The following LRP1B variants were observed in gnomAD, a reference collection of about 807,000 sequenced individuals.
LRP1B encodes the protein LDL receptor related protein 1B.
LRP1B carries 217 observed loss-of-function variants against 556.6 expected under a neutral mutation model. The ratio of observed to expected loss-of-function variants is 0.39; its 90% CI spans 0.35 to 0.44. The LOEUF (loss-of-function observed/expected upper bound fraction) is 0.44. Among genes scored for constraint, LRP1B ranks in the 20% least tolerant of loss-of-function variants. The pLI, the probability that LRP1B is intolerant of heterozygous loss-of-function variation, is 1.00. For missense variants in LRP1B, 5,053 were observed against 5,620.8 expected, an observed-to-expected ratio of 0.90 and a Z score of 3.23; for synonymous variants, 2,047 against 1,865.8, an observed-to-expected ratio of 1.10 and a Z score of -2.50.
chr2:141,422,751 T>A (rs947049082), intron 3 of LRP1B, among the ~76,000 whole-genome samples: 1 of 152,210 alleles, frequency 6.6e-6, no homozygotes, highest in African/African-American at 2.4e-5. Context: ...TGTCTCTTTT[T>A]TCTTGCTGTG....
chr2:140,487,532 T>C, intron 58 of LRP1B, 85 bp downstream of exon 58: 2 of 1,324,146 alleles, frequency 1.5e-6, no homozygotes, highest in South Asian at 1.2e-5. Context: ...ATGAGTAATA[T>C]CATGGTCATA....
At chr2:140,942,769 T>C (rs1365909970) in intron 20 of LRP1B, among the ~76,000 whole-genome samples, 2 of 152,070 alleles carry the variant, frequency 1.3e-5, no homozygotes, top group East Asian at 1.9e-4. Flanking sequence ...ACTGGTCTTA[T>C]AACAGATGTT....
chr2:141,678,773 A>G (rs1690987891), intron 2 of LRP1B, among the ~76,000 whole-genome samples: 1 of 152,134 alleles, frequency 6.6e-6, no homozygotes, highest in Non-Finnish European at 1.5e-5. Flanking sequence ...ATATGAAAAG[A>G]TGTCCAATTA....
chr2:140,578,438 C>A (rs1681620479), intron 43 of LRP1B, among the ~76,000 whole-genome samples: 1 of 152,102 alleles, frequency 6.6e-6, no homozygotes, highest in Admixed American at 6.5e-5. Flanking sequence ...AAAATAAATT[C>A]TTTTACTGCT....
At chr2:141,654,372 A>C (rs1332372200) in intron 2 of LRP1B, among the ~76,000 whole-genome samples, 2 of 152,168 alleles carry the variant, frequency 1.3e-5, no homozygotes, top group African/African-American at 4.8e-5. Context: ...ATATGACCTG[A>C]GTTAGGGCTC....
At chr2:141,901,225 T>A (rs1054597401) in intron 1 of LRP1B, among the ~76,000 whole-genome samples, 1 of 151,904 alleles carries the variant, frequency 6.6e-6, no homozygotes, top group Non-Finnish European at 1.5e-5. Flanking sequence ...TACCAACACA[T>A]AGGCAGAAGC....
At chr2:141,607,988 G>A (rs1419095212) in intron 2 of LRP1B, among the ~76,000 whole-genome samples, 1 of 152,098 alleles carries the variant, frequency 6.6e-6, no homozygotes, top group Non-Finnish European at 1.5e-5. Flanking sequence ...ACTTTGGGAG[G>A]CCAAGGTGGG....
intron 27 of LRP1B, among the ~76,000 whole-genome samples, chr2:140,867,147 C>A (rs1387015161): frequency 6.6e-6 from 1 of 151,944 alleles, no homozygotes; most frequent in African/African-American, 2.4e-5. Context: ...AATCACAAAA[C>A]CAAGATGGGG....
chr2:140,338,136 T>C (rs1161555782), intron 77 of LRP1B, among the ~76,000 whole-genome samples: 2 of 151,816 alleles, frequency 1.3e-5, no homozygotes, highest in Non-Finnish European at 2.9e-5. Flanking sequence ...ATTTAATATA[T>C]ACATTTATTC....
chr2:142,122,855 C>T (rs141295060), intron 1 of LRP1B, among the ~76,000 whole-genome samples: 5 of 151,842 alleles, frequency 3.3e-5, no homozygotes, highest in Non-Finnish European at 5.9e-5. Flanking sequence ...CATTTTTGTC[C>T]CAATAAAAAT....
intron 3 of LRP1B, among the ~76,000 whole-genome samples, chr2:141,463,963 C>T (rs1030852398): frequency 6.6e-6 from 1 of 151,274 alleles, no homozygotes; most frequent in African/African-American, 2.4e-5. Flanking sequence ...AAAATGCAGC[C>T]ATTCAAGTTT....
intron 63 of LRP1B, among the ~76,000 whole-genome samples, chr2:140,448,245 TAA>T (rs1236482477): frequency 6.6e-6 from 1 of 152,164 alleles, no homozygotes; most frequent in East Asian, 1.9e-4. Context: ...CACAATAAAA[TAA>T]GTTATGCCTG....
intron 23 of LRP1B, among the ~76,000 whole-genome samples, chr2:140,897,392 A>G (rs1693984478): frequency 6.6e-6 from 1 of 152,148 alleles, no homozygotes; most frequent in East Asian, 1.9e-4. Flanking sequence ...AGTCATAGAC[A>G]CTAGCAGCCC....
At chr2:140,517,187 T>A (rs570050825) in intron 49 of LRP1B, among the ~76,000 whole-genome samples, 176 bp from the exon 50 acceptor site, 6 of 152,156 alleles carry the variant, frequency 3.9e-5, no homozygotes, top group Non-Finnish European at 8.8e-5. Context: ...ATTCAGAAAC[T>A]GTCCCAGAAC....
chr2:141,388,520 G>T (rs1353573679), intron 3 of LRP1B, among the ~76,000 whole-genome samples: 4 of 151,974 alleles, frequency 2.6e-5, no homozygotes, highest in Middle Eastern at 3.2e-3. Context: ...ATATAATAAA[G>T]GACATTTTTT....
chr2:140,648,644 A>T (rs947890218), intron 41 of LRP1B, among the ~76,000 whole-genome samples: 11 of 152,102 alleles, frequency 7.2e-5, no homozygotes, highest in East Asian at 3.9e-4. Context: ...TCTGGAAAAG[A>T]TCTTTCCAGG....
intron 2 of LRP1B, among the ~76,000 whole-genome samples, chr2:141,759,989 C>T (rs1479561908): frequency 2.0e-5 from 3 of 151,986 alleles, no homozygotes; most frequent in African/African-American, 2.4e-5. Context: ...ATTAGCCGGG[C>T]GTGGTTGCGT....
At chr2:140,334,922 A>G (rs1680992459) in intron 78 of LRP1B, among the ~76,000 whole-genome samples, 1 of 152,058 alleles carries the variant, frequency 6.6e-6, no homozygotes, top group Non-Finnish European at 1.5e-5. Flanking sequence ...TTTATTATGG[A>G]TGCTGTATGA....
intron 84 of LRP1B, among the ~76,000 whole-genome samples, chr2:140,284,571 C>T (rs1465236623): frequency 6.6e-6 from 1 of 151,532 alleles, no homozygotes; most frequent in Non-Finnish European, 1.5e-5. Flanking sequence ...CTAATTTTAT[C>T]TTTCCCTTCC....
Sources: gnomAD v4.1 joint callset for allele counts (sites outside exome capture counted in the v4.1 genomes callset) on GRCh38, gnomAD v4.1.1 for gene constraint, MANE v1.5 for transcripts, NCBI Gene and HGNC (gene_info 2026-07-23, HGNC 2026-07-21) for gene names.